The following INSC variants were observed in gnomAD, a reference collection of about 807,000 sequenced individuals.
INSC encodes protein inscuteable homolog.
A neutral mutation model predicts 58.6 loss-of-function variants in INSC; 67 were observed. The ratio of observed to expected loss-of-function variants is 1.14; its 90% CI spans 0.94 to 1.40. The LOEUF (loss-of-function observed/expected upper bound fraction) is 1.40. INSC is among the 40% of genes most tolerant of loss of function. The probability of loss-of-function intolerance (pLI) is 0.00; values close to 1 mark genes in which losing one functional copy is unlikely to be tolerated. For missense variants in INSC, 714 were observed against 692.0 expected, an observed-to-expected ratio of 1.03 and a Z score of -0.36; for synonymous variants, 262 against 276.1, an observed-to-expected ratio of 0.95 and a Z score of 0.51.
the INSC span, among the ~76,000 whole-genome samples, chr11:15,255,366 G>A: frequency 2.6e-5 from 4 of 152,242 alleles, no homozygotes; most frequent in Admixed American, 6.5e-5. Context: ...GAATAGGCAT[G>A]AGAATAAAAT....
chr11:15,254,088 C>T, the INSC span, among the ~76,000 whole-genome samples: 1 of 152,162 alleles, frequency 6.6e-6, no homozygotes, highest in Non-Finnish European at 1.5e-5. Context: ...CAAGTGTTAC[C>T]TCTCATTTTC....
chr11:15,158,999 A>T lies in INSC; in HGVS notation c.56+9769A>T, dbSNP rs962283107. The stretch of plus-strand genomic sequence containing the variant: ...GCAGGCCCATGGAGAACACCAGGAG[A>T]CTAGGTCTCCAGGCCTGGCCCCAGT... On this transcript the variant is annotated intron_variant, in intron 2 of 12. Coordinates refer to ENST00000379556, the MANE Select transcript of INSC (RefSeq NM_001042536.3). Among the ~76,000 whole-genome samples the T allele has an allele frequency of 2.0e-4, 30 of 151,888 alleles. No homozygotes were observed. In the East Asian group the frequency reaches 3.7e-3, roughly 19 times the overall value.
the INSC span, among the ~76,000 whole-genome samples, chr11:15,268,317 A>G: frequency 6.6e-6 from 1 of 152,090 alleles, no homozygotes; most frequent in Admixed American, 6.6e-5. Context: ...TTCACTGACT[A>G]TAAAGAAACT....
the INSC span, among the ~76,000 whole-genome samples, chr11:15,256,491 A>AGT: frequency 0.16 from 23,371 of 141,784 alleles, 2,143 homozygotes; most frequent in Middle Eastern, 0.2. Flanking sequence ...ATTTCATTTC[A>AGT]TTTTTTTTTT....
At chr11:15,223,744 A>G (rs1401276573) in intron 8 of INSC, among the ~76,000 whole-genome samples, 1 of 152,218 alleles carries the variant, frequency 6.6e-6, no homozygotes, top group Non-Finnish European at 1.5e-5. Flanking sequence ...TGGGGACTCC[A>G]GTGATTTTCC....
At chr11:15,166,382 A>G (rs993300822) in intron 2 of INSC, among the ~76,000 whole-genome samples, 3 of 152,328 alleles carry the variant, frequency 2.0e-5, no homozygotes, top group Non-Finnish European at 2.9e-5. Flanking sequence ...TAATGACATC[A>G]GCTTCAAGTA....
At chr11:15,173,582 TTC>T (rs549314414) in intron 2 of INSC, among the ~76,000 whole-genome samples, 4 of 151,736 alleles carry the variant, frequency 2.6e-5, no homozygotes, top group Non-Finnish European at 2.9e-5. Context: ...TTTAATGGGT[TTC>T]TCTCTCTCTC....
chr11:15,245,809 A>G, intron 12 of INSC, 103 bp from the exon 13 acceptor site: 2 of 1,454,274 alleles, frequency 1.4e-6, no homozygotes, highest in South Asian at 2.7e-5. Flanking sequence ...TGTCTGGTAA[A>G]TGCACCACTT....
In INSC at chr11:15,143,380, G is replaced by A. The variant is rs538356775; in HGVS notation, c.-45-5750G>A. ...GAATAACTTGGTGAGAGGAGACAGA[G>A]GAGAGGTTGTTGGGGTCAGAGGAAG... On this transcript the variant is annotated intron_variant, in intron 1 of 12. Transcript: ENST00000379556. Among the ~76,000 whole-genome samples the A allele has an allele frequency of 2.5e-3, 384 of 152,278 alleles. 2 individuals are homozygous for A. The highest frequency in any genetic ancestry group is 4.1e-3 in the Non-Finnish European group (276 of 68,028).
chr11:15,192,354 G>A (rs1194217883), intron 6 of INSC, among the ~76,000 whole-genome samples: 1 of 152,090 alleles, frequency 6.6e-6, no homozygotes, highest in East Asian at 1.9e-4. Flanking sequence ...TTTGCCACTT[G>A]GAAAACTCTT....
intron 5 of INSC, among the ~76,000 whole-genome samples, chr11:15,185,932 T>G (rs1352955991): frequency 6.6e-6 from 1 of 152,162 alleles, no homozygotes; most frequent in Non-Finnish European, 1.5e-5. Flanking sequence ...GTTTTTAGGG[T>G]GAAATGAGAA....
chr11:15,244,749 CCT>C (rs1427453682), intron 12 of INSC, among the ~76,000 whole-genome samples: 3 of 152,082 alleles, frequency 2.0e-5, no homozygotes, highest in Non-Finnish European at 1.5e-5. Context: ...GTTTGCATTC[CCT>C]CCTTCTTTGC....
At position 15,161,887 on chromosome 11, in the gene INSC, G is replaced by A. The variant is rs578242855; in HGVS notation, c.56+12657G>A. Among the ~76,000 whole-genome samples, 7 of 152,298 alleles carry A rather than the reference G, an allele frequency of 4.6e-5. No individual in the cohort carries two copies. The South Asian group carries it at 1.5e-3, about 32-fold the overall frequency. ...GTCACATTTGACTGGGGCTTCACAA[G>A]AGCCTTGGTGCAGAGGGATGGGAAG... On this transcript the variant is annotated intron_variant, in intron 2 of 12. Coordinates refer to ENST00000379556, the MANE Select transcript of INSC (RefSeq NM_001042536.3).
chr11:15,198,993 C>T (rs988599473), intron 6 of INSC, among the ~76,000 whole-genome samples: 1 of 152,142 alleles, frequency 6.6e-6, no homozygotes, highest in Non-Finnish European at 1.5e-5. Context: ...CTACAACCCC[C>T]CACCCTCCGA....
chr11:15,197,418 T>C (rs1243492549), intron 6 of INSC, among the ~76,000 whole-genome samples: 1 of 152,140 alleles, frequency 6.6e-6, no homozygotes, highest in East Asian at 1.9e-4. Context: ...TGTGTTTGGG[T>C]TTCCAGTTCT....
the INSC span, among the ~76,000 whole-genome samples, chr11:15,254,737 GT>G: frequency 6.6e-6 from 1 of 152,170 alleles, no homozygotes; most frequent in Non-Finnish European, 1.5e-5. Flanking sequence ...AGGTTGCCTG[GT>G]CCTGCTTGAC....
At chr11:15,129,789 C>T (rs183024924) in intron 1 of INSC, among the ~76,000 whole-genome samples, 1 of 152,318 alleles carries the variant, frequency 6.6e-6, no homozygotes, top group Non-Finnish European at 1.5e-5. Flanking sequence ...GGATTTTCTA[C>T]ATAGAGAATG....
intron 9 of INSC, among the ~76,000 whole-genome samples, chr11:15,234,888 A>G (rs931353129): frequency 6.6e-6 from 1 of 151,976 alleles, no homozygotes; most frequent in African/African-American, 2.4e-5. Flanking sequence ...TTCTCCCTTG[A>G]CTGTACCAGG....
At chr11:15,217,872 A>G (rs1006276785) in intron 7 of INSC, among the ~76,000 whole-genome samples, 2 of 152,210 alleles carry the variant, frequency 1.3e-5, no homozygotes, top group Non-Finnish European at 2.9e-5. Context: ...AAAATTTAAA[A>G]ATCTGCCAAT....
Sources: gnomAD v4.1 joint callset for allele counts (sites outside exome capture counted in the v4.1 genomes callset) on GRCh38, gnomAD v4.1.1 for gene constraint, MANE v1.5 for transcripts, NCBI Gene and HGNC (gene_info 2026-07-23, HGNC 2026-07-21) for gene names.